The following C12orf42 variants were observed in gnomAD, a reference collection of about 807,000 sequenced individuals.
The protein encoded by C12orf42 is uncharacterized protein C12orf42.
In C12orf42, 25 loss-of-function variants were observed where a neutral mutation model predicts 21.6. The observed-to-expected ratio is 1.16, with a 90% CI of 0.84 to 1.62. The LOEUF (loss-of-function observed/expected upper bound fraction) is 1.62, where lower values mean the gene tolerates loss of function less well. C12orf42 is among the 40% of genes most tolerant of loss of function. The pLI is 0.00. For missense variants in C12orf42, 483 were observed against 459.3 expected (o/e 1.05, Z -0.47); for synonymous variants, 174 against 175.0 (o/e 0.99, Z 0.05).
At chr12:103,081,457 C>T in the C12orf42 span, 3 of 151,982 alleles carry the variant, frequency 2.0e-5, no homozygotes, top group African/African-American at 4.8e-5. Context: ...TGTGTTGCAC[C>T]TTTTATTTCT....
chr12:103,416,826 C>G (rs2139032651), intron 2 of C12orf42, among the ~76,000 whole-genome samples: 1 of 152,244 alleles, frequency 6.6e-6, no homozygotes, highest in Middle Eastern at 3.4e-3. Context: ...TCTTCTAAAC[C>G]TTGAATAGTA....
At chr12:103,143,191 T>C in the C12orf42 span, among the ~76,000 whole-genome samples, 3 of 152,202 alleles carry the variant, frequency 2.0e-5, no homozygotes, top group Non-Finnish European at 1.5e-5. Flanking sequence ...TAGTAGACAC[T>C]GTGGGGTGTC....
the C12orf42 span, among the ~76,000 whole-genome samples, chr12:103,114,336 A>T: frequency 6.6e-6 from 1 of 152,198 alleles, no homozygotes; most frequent in Non-Finnish European, 1.5e-5. Flanking sequence ...TGGCCTAAAG[A>T]GAAGGGCCCT....
At chr12:103,424,395 T>C (rs553701916) in intron 2 of C12orf42, among the ~76,000 whole-genome samples, 2 of 152,324 alleles carry the variant, frequency 1.3e-5, no homozygotes, top group Non-Finnish European at 2.9e-5. Context: ...GATGGCTGAA[T>C]AGGAACAGCT....
intron 4 of C12orf42, among the ~76,000 whole-genome samples, chr12:103,360,672 G>C (rs1296046792): frequency 6.7e-6 from 1 of 148,970 alleles, no homozygotes; most frequent in Non-Finnish European, 1.5e-5. Context: ...TAAAGAAGTT[G>C]GCATTTACTT....
At chr12:103,228,515 C>A in the C12orf42 span, among the ~76,000 whole-genome samples, 1 of 152,110 alleles carries the variant, frequency 6.6e-6, no homozygotes, top group South Asian at 2.1e-4. Flanking sequence ...GTGCAAGTCA[C>A]AGGGGATGTG....
the C12orf42 span, among the ~76,000 whole-genome samples, chr12:103,082,613 G>T: frequency 2.0e-5 from 3 of 152,188 alleles, no homozygotes; most frequent in African/African-American, 7.2e-5. Flanking sequence ...GTTAATGGGT[G>T]CAGCACACCA....
At chr12:103,283,959 C>A (rs879109383) in intron 4 of C12orf42, among the ~76,000 whole-genome samples, 52 of 152,146 alleles carry the variant, frequency 3.4e-4, no homozygotes, top group Non-Finnish European at 7.1e-4. Context: ...TTAATTATCA[C>A]GAGAGGAAAA....
At chr12:103,309,752 G>A (rs765422022) in intron 4 of C12orf42, among the ~76,000 whole-genome samples, 1 of 152,218 alleles carries the variant, frequency 6.6e-6, no homozygotes, top group Non-Finnish European at 1.5e-5. Flanking sequence ...GTGCTGGACT[G>A]TAAAAACTTG....
rs775789998 is a variant in C12orf42 at position 103,302,442 on chromosome 12, A to G, written c.749T>C (p.Val250Ala). ...GGGGTGTGCCTGAGCGCCTGCTGGG[A>G]CTGCCATCCTCTCCTCCGGCTCGAG... ...TELEPEERMA[V>A]PAGAQAHPDD... The change falls in exon 6 of 6, where the codon GTC becomes GCC. Residue 250 changes from valine to alanine, a missense_variant. By Grantham distance (64) the Val-to-Ala change is moderately conservative. Coordinates refer to ENST00000548883, the MANE Select transcript of C12orf42 (RefSeq NM_198521.5). 6.2e-7 allele frequency: 1 copy of G among 1,613,616 alleles called. No homozygotes were observed. Among genetic ancestry groups the G allele is most frequent in the Non-Finnish European group, 8.5e-7 (1 of 1,179,806 alleles).
intron 2 of C12orf42, among the ~76,000 whole-genome samples, chr12:103,424,019 TTTGTGTA>T (rs1372552817): frequency 1.6e-4 from 24 of 152,372 alleles, no homozygotes; most frequent in African/African-American, 5.8e-4. Flanking sequence ...TTGTTATAAT[TTTGTGTA>T]TTGGATGACA....
chr12:103,358,651 C>T (rs983645460), intron 4 of C12orf42, among the ~76,000 whole-genome samples: 32 of 151,874 alleles, frequency 2.1e-4, no homozygotes, highest in African/African-American at 7.5e-4. Flanking sequence ...ATTGTGAATG[C>T]CTACCTCACC....
chr12:103,489,114 C>T (rs1955023197), intron 1 of C12orf42, among the ~76,000 whole-genome samples: 1 of 152,300 alleles, frequency 6.6e-6, no homozygotes, highest in South Asian at 2.1e-4. Flanking sequence ...ATGTTGGTGT[C>T]CTACAGATGG....
At chr12:103,553,523 C>T in the C12orf42 span, among the ~76,000 whole-genome samples, 10 of 152,120 alleles carry the variant, frequency 6.6e-5, no homozygotes, top group African/African-American at 2.4e-4. Flanking sequence ...AAATCTCAAC[C>T]GTCTTCACCA....
At chr12:103,255,518 A>G (rs1380782937) in intron 10 of C12orf42, among the ~76,000 whole-genome samples, 1 of 152,068 alleles carries the variant, frequency 6.6e-6, no homozygotes, top group African/African-American at 2.4e-5. Flanking sequence ...TTTGAGAACT[A>G]TTTTCCTAGG....
chr12:103,514,177 A>T, the C12orf42 span, among the ~76,000 whole-genome samples: 8 of 152,268 alleles, frequency 5.3e-5, no homozygotes, highest in South Asian at 1.7e-3. Flanking sequence ...TCTCATGAGA[A>T]CTCACTCACT....
chr12:103,096,392 C>G, the C12orf42 span, among the ~76,000 whole-genome samples: 1 of 151,908 alleles, frequency 6.6e-6, no homozygotes, highest in Admixed American at 6.6e-5. Context: ...TTAAGTTGTT[C>G]GGACCCAAGT....
the C12orf42 span, among the ~76,000 whole-genome samples, chr12:103,539,822 G>A: frequency 0.026 from 3,891 of 151,962 alleles, 149 homozygotes; most frequent in East Asian, 0.2. Context: ...CTCGTGATTC[G>A]CCCGCCTTGG....
At chr12:103,542,731 C>T in the C12orf42 span, among the ~76,000 whole-genome samples, 3 of 152,322 alleles carry the variant, frequency 2.0e-5, no homozygotes, top group South Asian at 6.2e-4. Flanking sequence ...TGATGATGCT[C>T]CTGCACATCC....
Sources: gnomAD v4.1 joint callset for allele counts (sites outside exome capture counted in the v4.1 genomes callset) on GRCh38, gnomAD v4.1.1 for gene constraint, MANE v1.5 for transcripts, NCBI Gene and HGNC (gene_info 2026-07-23, HGNC 2026-07-21) for gene names.